Variants in LINGO2 observed in about 807,000 individuals in gnomAD.
LINGO2 encodes leucine-rich repeat and immunoglobulin-like domain-containing nogo receptor-interacting protein 2.
Under a neutral mutation model 30.6 loss-of-function variants are expected in LINGO2, and 14 were observed. That is an observed-to-expected ratio of 0.46 (90% CI 0.30 to 0.72). The LOEUF is 0.72. Among genes scored for constraint, LINGO2 ranks in the 30% least tolerant of loss-of-function variants. LINGO2 has a pLI of 0.07. For synonymous variants in LINGO2, 317 were observed against 288.5 expected (o/e 1.10, Z -1.00); for missense variants, 729 against 751.7 (o/e 0.97, Z 0.35).
chr9:28,830,347 G>A, the LINGO2 span, among the ~76,000 whole-genome samples: 48 of 152,196 alleles, frequency 3.2e-4, no homozygotes, highest in Non-Finnish European at 6.0e-4. Context: ...GGAGAATAAC[G>A]CAGCATGCAT....
Position 28,021,644 on chromosome 9 carries a change from AG to A in LINGO2, c.-86-9240del, listed in dbSNP as rs1237168264. Among the ~76,000 whole-genome samples the A allele has an allele frequency of 2.6e-5, 4 of 152,194 alleles. No homozygotes were observed. In the East Asian group the frequency reaches 7.7e-4, roughly 29 times the overall value. Reference sequence around the variant, plus strand: ...GTCCATTTCTCCTTGGAATTTTATCAGTTTTGCCTCTTATTTTGATGCTTTG... The same window carrying A: ...GTCCATTTCTCCTTGGAATTTTATCATTTTGCCTCTTATTTTGATGCTTTG... On this transcript the variant is annotated intron_variant, in intron 4 of 5. Transcript: ENST00000379992.
intron 1 of LINGO2, among the ~76,000 whole-genome samples, chr9:28,665,443 C>T (rs1432505931): frequency 6.6e-6 from 1 of 152,054 alleles, no homozygotes. Flanking sequence ...CCAATAGAAT[C>T]ATAAGTTAAA....
chr9:28,651,009 T>C (rs1442701322), intron 1 of LINGO2, among the ~76,000 whole-genome samples: 1 of 151,826 alleles, frequency 6.6e-6, no homozygotes, highest in Non-Finnish European at 1.5e-5. Flanking sequence ...GCTAACACGA[T>C]GAAACCCTGT....
At chr9:28,373,521 C>T (rs576967282) in intron 2 of LINGO2, among the ~76,000 whole-genome samples, 4 of 152,116 alleles carry the variant, frequency 2.6e-5, no homozygotes, top group Admixed American at 6.5e-5. Flanking sequence ...TTTACCCAAA[C>T]GATGTTTTTT....
At chr9:28,068,874 GAC>G (rs1825391370) in intron 4 of LINGO2, among the ~76,000 whole-genome samples, 1 of 152,078 alleles carries the variant, frequency 6.6e-6, no homozygotes, top group Non-Finnish European at 1.5e-5. Context: ...GCAAAATTTT[GAC>G]AGAGAGTATA....
the LINGO2 span, among the ~76,000 whole-genome samples, chr9:28,968,236 C>T: frequency 6.6e-6 from 1 of 152,030 alleles, no homozygotes. Context: ...AATAGACATG[C>T]CGAGTTTTTG....
chr9:28,989,348 A>T, the LINGO2 span, among the ~76,000 whole-genome samples: 1 of 152,262 alleles, frequency 6.6e-6, no homozygotes, highest in Non-Finnish European at 1.5e-5. Flanking sequence ...CTCTGTGAAC[A>T]TAGAAGACTT....
the LINGO2 span, among the ~76,000 whole-genome samples, chr9:28,892,178 C>A: frequency 1.4e-3 from 206 of 151,886 alleles, 1 homozygote; most frequent in African/African-American, 4.7e-3. Flanking sequence ...CAGCGATGCA[C>A]CTATCCAGGT....
At chr9:29,129,453 C>T in the LINGO2 span, among the ~76,000 whole-genome samples, 3 of 151,910 alleles carry the variant, frequency 2.0e-5, no homozygotes, top group Admixed American at 6.6e-5. Context: ...CTTAAGAAAG[C>T]GTTATGATAT....
chr9:28,098,473 G>C (rs960611597), intron 4 of LINGO2, among the ~76,000 whole-genome samples: 1 of 152,024 alleles, frequency 6.6e-6, no homozygotes, highest in Non-Finnish European at 1.5e-5. Context: ...CACAAATTTG[G>C]CTTGCTGTCT....
chr9:29,135,675 T>G, the LINGO2 span, among the ~76,000 whole-genome samples: 1 of 152,100 alleles, frequency 6.6e-6, no homozygotes, highest in Non-Finnish European at 1.5e-5. Context: ...AAATTTGCCA[T>G]CTTGACTATT....
At chr9:28,682,620 C>T in the LINGO2 span, among the ~76,000 whole-genome samples, 2 of 151,870 alleles carry the variant, frequency 1.3e-5, no homozygotes, top group Non-Finnish European at 2.9e-5. Flanking sequence ...AGTCACAAGT[C>T]TATATATTGT....
At chr9:28,009,436 C>T (rs1387825272) in intron 5 of LINGO2, among the ~76,000 whole-genome samples, 2 of 150,038 alleles carry the variant, frequency 1.3e-5, no homozygotes, top group Non-Finnish European at 3.0e-5. Context: ...GAATAGACAA[C>T]CCACAGAATG....
chr9:29,174,719 G>A, the LINGO2 span, among the ~76,000 whole-genome samples: 1 of 152,182 alleles, frequency 6.6e-6, no homozygotes, highest in African/African-American at 2.4e-5. Flanking sequence ...TGGAAATAAA[G>A]TTCACAAAGG....
chr9:27,971,437 G>A (rs549472960), intron 5 of LINGO2, among the ~76,000 whole-genome samples: 20 of 152,140 alleles, frequency 1.3e-4, no homozygotes, highest in South Asian at 1.0e-3. Flanking sequence ...GCTGGAGTGC[G>A]GTGGCCATGA....
the LINGO2 span, among the ~76,000 whole-genome samples, chr9:28,885,972 T>C: frequency 2.6e-5 from 4 of 152,200 alleles, no homozygotes; most frequent in Admixed American, 6.6e-5. Context: ...TAATTAATTG[T>C]TCAGCAACAA....
At chr9:28,374,032 C>G (rs1821015544) in intron 2 of LINGO2, among the ~76,000 whole-genome samples, 1 of 151,898 alleles carries the variant, frequency 6.6e-6, no homozygotes, top group South Asian at 2.1e-4. Context: ...ATGTGAATCA[C>G]AAAGGTTTCT....
chr9:29,189,175 C>A, the LINGO2 span, among the ~76,000 whole-genome samples: 1 of 143,696 alleles, frequency 7.0e-6, no homozygotes, highest in Non-Finnish European at 1.5e-5. Context: ...CTGGACGGGG[C>A]GGCTGGCCAG....
chr9:29,110,324 TTTTG>T, the LINGO2 span, among the ~76,000 whole-genome samples: 36 of 152,044 alleles, frequency 2.4e-4, no homozygotes, highest in South Asian at 4.2e-4. Context: ...ACAGCTACAG[TTTTG>T]TTTGTTTGTT....
Sources: allele counts gnomAD v4.1 joint callset (sites outside exome capture counted in the v4.1 genomes callset), GRCh38; gene constraint gnomAD v4.1.1; transcripts MANE v1.5; gene names NCBI Gene and HGNC (gene_info 2026-07-23, HGNC 2026-07-21).